Variants in FHIT observed in about 807,000 individuals in gnomAD.
FHIT encodes the protein fragile histidine triad diadenosine triphosphatase, also known as bis(5'-adenosyl)-triphosphatase.
FHIT carries 19 observed loss-of-function variants against 17.9 expected under a neutral mutation model. The ratio of observed to expected loss-of-function variants is 1.06; its 90% CI spans 0.74 to 1.56. FHIT has a LOEUF of 1.56. Among genes scored for constraint, FHIT ranks in the 40% most tolerant of loss-of-function variants. The probability of loss-of-function intolerance (pLI) is 0.00; values close to 1 mark genes in which losing one functional copy is unlikely to be tolerated. For missense variants in FHIT, 248 were observed against 189.2 expected (o/e 1.31, Z -1.82); for synonymous variants, 81 against 69.7 (o/e 1.16, Z -0.81).
chr3:61,172,758 G>A (rs1462529076), intron 2 of FHIT, among the ~76,000 whole-genome samples: 1 of 123,750 alleles, frequency 8.1e-6, no homozygotes, highest in African/African-American at 2.8e-5. Context: ...CACGTGCCTA[G>A]AATGCTCCTC....
intron 2 of FHIT, among the ~76,000 whole-genome samples, chr3:61,175,192 T>C (rs1004773084): frequency 1.3e-5 from 2 of 151,774 alleles, no homozygotes; most frequent in African/African-American, 4.8e-5. Flanking sequence ...TAAAAAACAA[T>C]AACAAAAAAC....
intron 2 of FHIT, among the ~76,000 whole-genome samples, chr3:61,110,232 C>T (rs1349353799): frequency 2.0e-5 from 3 of 152,172 alleles, no homozygotes; most frequent in African/African-American, 7.2e-5. Context: ...TCCTTCCAGC[C>T]CACAGGCCTC....
intron 8 of FHIT, among the ~76,000 whole-genome samples, chr3:59,855,938 G>A (rs809076): frequency 0.56 from 84,564 of 151,162 alleles, 25,430 homozygotes; most frequent in African/African-American, 0.79. Context: ...CCGCCACCAC[G>A]CCCGGCTAAT....
At chr3:60,347,341 G>A (rs1710831987) in intron 5 of FHIT, among the ~76,000 whole-genome samples, 1 of 152,104 alleles carries the variant, frequency 6.6e-6, no homozygotes, top group Admixed American at 6.6e-5. Flanking sequence ...TAGAATAAAA[G>A]AAGCTGAAGT....
chr3:59,808,451 C>G (rs1700287939), intron 8 of FHIT, among the ~76,000 whole-genome samples: 1 of 152,158 alleles, frequency 6.6e-6, no homozygotes, highest in African/African-American at 2.4e-5. Flanking sequence ...CCCCACAACC[C>G]CACCTCTGCC....
At chr3:61,088,556 A>G (rs2083264) in intron 2 of FHIT, among the ~76,000 whole-genome samples, 91,550 of 151,956 alleles carry the variant, frequency 0.6, 28,526 homozygotes, top group Middle Eastern at 0.7. Flanking sequence ...AAATTTTGCA[A>G]GGCAAGTCAT....
chr3:61,180,131 G>C lies in FHIT; in HGVS notation c.-164+20486C>G, dbSNP rs563043330. On this transcript the variant is annotated intron_variant, in intron 2 of 9. Transcript: ENST00000492590. ...GACAGTCTTGTTAAAACCTCTTAGC[G>C]TGCCTTTCCCTCACGGCATCAATTT... Among the ~76,000 whole-genome samples the C allele has an allele frequency of 1.1e-4, 17 of 152,098 alleles. 1 individual carries two copies. The highest frequency in any genetic ancestry group is 1.1e-3 in the Admixed American group (17 of 15,256).
intron 5 of FHIT, among the ~76,000 whole-genome samples, chr3:60,120,867 T>A (rs1705216061): frequency 6.6e-6 from 1 of 150,720 alleles, no homozygotes; most frequent in Non-Finnish European, 1.5e-5. Flanking sequence ...CACCATTTGC[T>A]CACATAGCAG....
At chr3:61,043,978 C>T (rs151255294) in intron 2 of FHIT, among the ~76,000 whole-genome samples, 3,750 of 152,186 alleles carry the variant, frequency 0.025, 114 homozygotes, top group Admixed American at 0.082. Context: ...CCCATCTGGA[C>T]GTCACCATCA....
chr3:60,325,968 C>G (rs984517606), intron 5 of FHIT, among the ~76,000 whole-genome samples: 2 of 152,152 alleles, frequency 1.3e-5, no homozygotes, highest in Non-Finnish European at 2.9e-5. Flanking sequence ...CAAAGGGGAA[C>G]ATGATGCAAA....
At chr3:61,065,557 A>T (rs2034576182) in intron 2 of FHIT, among the ~76,000 whole-genome samples, 1 of 152,188 alleles carries the variant, frequency 6.6e-6, no homozygotes. Flanking sequence ...CTGGACTCTC[A>T]GTCTACTGCG....
At chr3:59,771,300 CAA>C (rs905199420) in intron 8 of FHIT, among the ~76,000 whole-genome samples, 2 of 152,064 alleles carry the variant, frequency 1.3e-5, no homozygotes, top group Admixed American at 1.3e-4. Context: ...CTATAAAGGC[CAA>C]AGACAGGAAA....
intron 8 of FHIT, among the ~76,000 whole-genome samples, chr3:59,909,947 T>C (rs1450633214): frequency 6.6e-6 from 1 of 152,254 alleles, no homozygotes; most frequent in Non-Finnish European, 1.5e-5. Context: ...TCTCTCTTAA[T>C]TTCAAGGTAC....
chr3:61,101,712 T>C (rs2035835524), intron 2 of FHIT, among the ~76,000 whole-genome samples: 1 of 152,214 alleles, frequency 6.6e-6, no homozygotes, highest in Admixed American at 6.5e-5. Flanking sequence ...CATTTGTTTG[T>C]GTCCTCTTTT....
At chr3:60,157,520 G>C (rs1482148525) in intron 5 of FHIT, among the ~76,000 whole-genome samples, 2 of 152,114 alleles carry the variant, frequency 1.3e-5, no homozygotes, top group Admixed American at 1.3e-4. Flanking sequence ...AGCATCCCAA[G>C]CAGTCTGGTG....
At chr3:60,046,496 T>C (rs903068332) in intron 5 of FHIT, among the ~76,000 whole-genome samples, 5 of 152,190 alleles carry the variant, frequency 3.3e-5, no homozygotes, top group African/African-American at 9.7e-5. Context: ...CTAAAGTATA[T>C]ATGACTGCCT....
intron 4 of FHIT, among the ~76,000 whole-genome samples, chr3:60,564,003 C>G (rs1364539009): frequency 1.3e-5 from 2 of 152,140 alleles, no homozygotes; most frequent in African/African-American, 4.8e-5. Context: ...ACTGTCCTAG[C>G]TAGAGAGGAG....
intron 7 of FHIT, among the ~76,000 whole-genome samples, chr3:59,962,528 T>A (rs1707735358): frequency 6.6e-6 from 1 of 151,836 alleles, no homozygotes; most frequent in African/African-American, 2.4e-5. Context: ...GGGGAGGGAG[T>A]CTGTTAGGAA....
chr3:60,027,148 C>CACAAAAAAAA (rs1553654525), intron 5 of FHIT, among the ~76,000 whole-genome samples: 20 of 125,842 alleles, frequency 1.6e-4, no homozygotes, highest in African/African-American at 5.1e-4. Flanking sequence ...CACACACACA[C>CACAAAAAAAA]AAAATTAGTA....
Sources: gnomAD v4.1 joint callset for allele counts (sites outside exome capture counted in the v4.1 genomes callset) on GRCh38, gnomAD v4.1.1 for gene constraint, MANE v1.5 for transcripts, NCBI Gene and HGNC (gene_info 2026-07-23, HGNC 2026-07-21) for gene names.